SIPA1L1: variants seen among roughly 807,000 people sequenced by gnomAD.
SIPA1L1 encodes signal induced proliferation associated 1 like 1, also known as signal-induced proliferation-associated 1-like protein 1.
SIPA1L1 carries 26 observed loss-of-function variants against 162.7 expected under a neutral mutation model. That is an observed-to-expected ratio of 0.16 (90% CI 0.12 to 0.22). The LOEUF (loss-of-function observed/expected upper bound fraction) is 0.22. Among genes scored for constraint, SIPA1L1 ranks in the 10% least tolerant of loss-of-function variants. The pLI is 1.00. For missense variants in SIPA1L1, 1,874 were observed against 2,241.0 expected (o/e 0.84, Z 3.31); for synonymous variants, 829 against 837.4 (o/e 0.99, Z 0.17).
intron 2 of SIPA1L1, among the ~76,000 whole-genome samples, chr14:71,387,608 TTAAA>T (rs1177260330): frequency 1.3e-5 from 2 of 152,242 alleles, no homozygotes; most frequent in African/African-American, 2.4e-5. Context: ...TAAAAATTTG[TTAAA>T]TAAAAAGACT....
At chr14:71,689,419 A>G (rs773962558) in intron 13 of SIPA1L1, among the ~76,000 whole-genome samples, 23 of 152,240 alleles carry the variant, frequency 1.5e-4, no homozygotes, top group Non-Finnish European at 2.9e-4. Context: ...GAAATAGGTA[A>G]TATGATACGG....
intron 17 of SIPA1L1, among the ~76,000 whole-genome samples, chr14:71,715,889 A>C (rs541703272): frequency 3.6e-4 from 55 of 152,336 alleles, no homozygotes; most frequent in African/African-American, 7.9e-4. Context: ...GCTATGCCCA[A>C]TAAAATGATA....
intron 2 of SIPA1L1, among the ~76,000 whole-genome samples, chr14:71,489,114 C>G (rs1055884046): frequency 3.9e-5 from 6 of 152,212 alleles, no homozygotes; most frequent in Non-Finnish European, 7.3e-5. Context: ...CCAGACATTC[C>G]TCCCCAGTTG....
At chr14:71,661,971 G>A (rs150968068) in intron 10 of SIPA1L1, among the ~76,000 whole-genome samples, 5 of 152,278 alleles carry the variant, frequency 3.3e-5, no homozygotes, top group Non-Finnish European at 5.9e-5. Flanking sequence ...ACTTGTTGAC[G>A]TAGTCACATG....
At chr14:71,691,236 T>C (rs2081232860) in intron 13 of SIPA1L1, among the ~76,000 whole-genome samples, 1 of 152,214 alleles carries the variant, frequency 6.6e-6, no homozygotes, top group South Asian at 2.1e-4. Context: ...GCTGTGCCTT[T>C]TCATTATAGC....
At chr14:71,548,191 G>A (rs1033332294) in intron 4 of SIPA1L1, among the ~76,000 whole-genome samples, 1 of 152,168 alleles carries the variant, frequency 6.6e-6, no homozygotes, top group Non-Finnish European at 1.5e-5. Context: ...ATTGAATTAT[G>A]TATTTCTTTC....
intron 19 of SIPA1L1, among the ~76,000 whole-genome samples, chr14:71,729,200 T>C (rs536619296): frequency 1.4e-4 from 22 of 151,978 alleles, no homozygotes; most frequent in Admixed American, 2.6e-4. Flanking sequence ...CACGGCTGGG[T>C]AATTTTTGTA....
chr14:71,656,495 C>T (rs2043068208), intron 8 of SIPA1L1, among the ~76,000 whole-genome samples: 2 of 152,182 alleles, frequency 1.3e-5, no homozygotes, highest in Non-Finnish European at 2.9e-5. Flanking sequence ...AAGTTCTTCA[C>T]GTTCAAGACC....
intron 2 of SIPA1L1, among the ~76,000 whole-genome samples, chr14:71,474,385 G>A (rs1212130584): frequency 1.3e-5 from 2 of 152,230 alleles, no homozygotes; most frequent in African/African-American, 4.8e-5. Flanking sequence ...GAGTGCTTCA[G>A]TGGACCAGTG....
intron 2 of SIPA1L1, among the ~76,000 whole-genome samples, chr14:71,393,832 G>C (rs73301396): frequency 2.0e-3 from 311 of 152,278 alleles, no homozygotes; most frequent in African/African-American, 6.9e-3. Context: ...AAAAAAATAA[G>C]AAATAATAGC....
intron 2 of SIPA1L1, among the ~76,000 whole-genome samples, chr14:71,450,858 A>C (rs569093944): frequency 1.3e-5 from 2 of 152,234 alleles, no homozygotes; most frequent in Non-Finnish European, 2.9e-5. Flanking sequence ...TCCTTAAATT[A>C]TTAAAAATAG....
intron 12 of SIPA1L1, among the ~76,000 whole-genome samples, chr14:71,681,990 T>C (rs2045852962): frequency 6.6e-6 from 1 of 152,244 alleles, no homozygotes. Flanking sequence ...ATAAAAGTTG[T>C]TGAATTTTCC....
At chr14:71,359,792 T>C (rs2037624144) in intron 2 of SIPA1L1, among the ~76,000 whole-genome samples, 1 of 152,232 alleles carries the variant, frequency 6.6e-6, no homozygotes, top group African/African-American at 2.4e-5. Flanking sequence ...GAACTCAGAT[T>C]CAGATGAAGA....
chr14:71,414,031 G>A (rs1306026923), intron 2 of SIPA1L1: 1 of 152,146 alleles, frequency 6.6e-6, no homozygotes, highest in Non-Finnish European at 1.5e-5. Flanking sequence ...TGGTGGATTA[G>A]TTCCAAAGTC....
intron 2 of SIPA1L1, among the ~76,000 whole-genome samples, chr14:71,403,935 TTG>T (rs1445950732): frequency 6.6e-6 from 1 of 152,088 alleles, no homozygotes; most frequent in African/African-American, 2.4e-5. Flanking sequence ...TTTATATCTA[TTG>T]TAGGATGAAG....
intron 2 of SIPA1L1, among the ~76,000 whole-genome samples, chr14:71,445,161 G>A (rs1448235951): frequency 1.3e-5 from 2 of 152,128 alleles, no homozygotes. Flanking sequence ...TTATCCTGGC[G>A]TAAGAAAAAA....
At chr14:71,677,024 T>C (rs2149447289) in intron 12 of SIPA1L1, among the ~76,000 whole-genome samples, 1 of 152,306 alleles carries the variant, frequency 6.6e-6, no homozygotes, top group Non-Finnish European at 1.5e-5. Flanking sequence ...GTATTTCTAG[T>C]TCTAGATCCT....
chr14:71,706,011 A>G (rs2082411562), intron 16 of SIPA1L1, among the ~76,000 whole-genome samples: 1 of 151,980 alleles, frequency 6.6e-6, no homozygotes, highest in African/African-American at 2.4e-5. Context: ...TGGAATGTGT[A>G]TGTTTATATT....
intron 8 of SIPA1L1, among the ~76,000 whole-genome samples, chr14:71,653,786 G>A (rs1318941382): frequency 6.6e-6 from 1 of 152,112 alleles, no homozygotes; most frequent in Admixed American, 6.6e-5. Flanking sequence ...ATGCCGTCTC[G>A]TTTAATTCCG....
Sources: allele counts gnomAD v4.1 joint callset (sites outside exome capture counted in the v4.1 genomes callset), GRCh38; gene constraint gnomAD v4.1.1; transcripts MANE v1.5; gene names NCBI Gene and HGNC (gene_info 2026-07-23, HGNC 2026-07-21).